The following FXR1 variants were observed in gnomAD, a reference collection of about 807,000 sequenced individuals.
FXR1 encodes RNA-binding protein FXR1.
In FXR1, 15 loss-of-function variants were observed where a neutral mutation model predicts 84.0. The ratio of observed to expected loss-of-function variants is 0.18; its 90% CI spans 0.12 to 0.27. FXR1 has a LOEUF of 0.27. FXR1 is among the 10% of genes least tolerant of loss of function. The pLI, the probability that FXR1 is intolerant of heterozygous loss-of-function variation, is 1.00. For missense variants in FXR1, 480 were observed against 774.4 expected (o/e 0.62, Z 4.51); for synonymous variants, 245 against 250.7 (o/e 0.98, Z 0.21).
Position 180,912,723 on chromosome 3 carries a change from G to A in FXR1, c.38G>A (p.Gly13Glu). 1 of 1,614,088 alleles carries A rather than the reference G, an allele frequency of 6.2e-7. No individual in the cohort carries two copies. The highest frequency in any genetic ancestry group is 8.5e-7 in the Non-Finnish European group (1 of 1,180,002). The change falls in exon 1 of 17, where the codon GGG becomes GAG. Residue 13 changes from glycine to glutamate, a missense_variant. By Grantham distance (98) the Gly-to-Glu change is moderately conservative (BLOSUM62 -2). Around this residue, in one of 6 missense-constraint regions of FXR1, gnomAD observed 54 missense variants for 74.2 expected, o/e 0.73. Coordinates refer to ENST00000357559, the MANE Select transcript of FXR1 (RefSeq NM_005087.4). ...ELTVEVRGSN[G>E]AFYKGFIKDV... ...ACGGTGGAGGTTCGCGGCTCTAACG[G>A]GGCTTTCTACAAGGTACTGACCGTT...
intron 15 of FXR1, among the ~76,000 whole-genome samples, chr3:180,974,983 C>A (rs759389841): frequency 1.9e-4 from 25 of 131,160 alleles, no homozygotes; most frequent in African/African-American, 2.9e-4. Context: ...GGGCTTAGAA[C>A]ACTGCGTTTG....
intron 1 of FXR1, among the ~76,000 whole-genome samples, chr3:180,926,949 G>C (rs1463980743): frequency 6.6e-6 from 1 of 152,012 alleles, no homozygotes; most frequent in Non-Finnish European, 1.5e-5. Context: ...AGGGACATCT[G>C]TACAGATTTC....
chr3:180,931,578 G>T (rs1719904412), intron 1 of FXR1, among the ~76,000 whole-genome samples: 1 of 152,082 alleles, frequency 6.6e-6, no homozygotes, highest in Non-Finnish European at 1.5e-5. Flanking sequence ...GAGGATGTTT[G>T]CATAGAAATG....
At chr3:180,926,107 T>G (rs1426477029) in intron 1 of FXR1, among the ~76,000 whole-genome samples, 1 of 152,218 alleles carries the variant, frequency 6.6e-6, no homozygotes, top group African/African-American at 2.4e-5. Context: ...TTTTTCTTTT[T>G]TTAACACATT....
At chr3:180,931,812 C>T (rs1468799625) in intron 1 of FXR1, among the ~76,000 whole-genome samples, 2 of 136,268 alleles carry the variant, frequency 1.5e-5, no homozygotes, top group Non-Finnish European at 3.0e-5. Context: ...ATGGTTATGG[C>T]TCACTGCAAC....
At chr3:180,947,229 G>A (rs1053334396) in intron 3 of FXR1, among the ~76,000 whole-genome samples, 5 of 152,034 alleles carry the variant, frequency 3.3e-5, no homozygotes, top group African/African-American at 1.2e-4. Context: ...TTATATTTTA[G>A]TAGAGACAGG....
Position 180,977,502 on chromosome 3 carries a change from A to G in FXR1, c.*1210A>G, listed in dbSNP as rs576434425. On this transcript the variant is annotated 3_prime_UTR_variant, in exon 17 of 17. Transcript: ENST00000357559. ...CAATGATTTGCTTTATTCATTCTCA[A>G]CTTATTTTGAAGGCTCTCATATCAG... 6.6e-6 allele frequency: 1 copy of G among 152,246 alleles called. No individual in the cohort carries two copies. Among genetic ancestry groups the G allele is most frequent in the African/African-American group, 2.4e-5 (1 of 41,564 alleles). The allele number at this position is 152,246 out of a possible 1,614,324, so 9.4% of individuals were successfully genotyped here.
chr3:180,933,961 A>G (rs1720235315), intron 2 of FXR1, among the ~76,000 whole-genome samples: 3 of 148,136 alleles, frequency 2.0e-5, no homozygotes, highest in Admixed American at 2.0e-4. Context: ...AAATACAAAA[A>G]AATTAGCTAG....
At chr3:180,926,032 T>A (rs1560164309) in intron 1 of FXR1, among the ~76,000 whole-genome samples, 2 of 152,150 alleles carry the variant, frequency 1.3e-5, no homozygotes. Context: ...AATCAGTTTA[T>A]CTTTAGAAAT....
At chr3:180,939,821 A>G (rs562266400) in intron 3 of FXR1, among the ~76,000 whole-genome samples, 202 of 152,330 alleles carry the variant, frequency 1.3e-3, no homozygotes, top group African/African-American at 4.7e-3. Flanking sequence ...TTTGAAGGAA[A>G]GAAAAGGTGA....
At position 180,978,216 on chromosome 3, in the gene FXR1, C is replaced by T. The variant is rs1021643836; in HGVS notation, c.*1924C>T. 1 of 150,124 alleles carries T rather than the reference C, an allele frequency of 6.7e-6. No individual in the cohort carries two copies. The highest frequency in any genetic ancestry group is 1.5e-5 in the Non-Finnish European group (1 of 67,692). 9.3% of individuals were successfully genotyped at this position (150,124 alleles called of 1,614,324 possible). ...AAAAAAGACTTTTCATTTTCTCCCACATAGAATAGTCAGATATATTAAACA... is the reference window on the plus strand; with the variant it reads ...AAAAAAGACTTTTCATTTTCTCCCATATAGAATAGTCAGATATATTAAACA... On this transcript the variant is annotated 3_prime_UTR_variant, in exon 17 of 17. Coordinates refer to ENST00000357559, the MANE Select transcript of FXR1 (RefSeq NM_005087.4).
chr3:180,970,162 C>T lies in FXR1; in HGVS notation c.1407C>T (p.Leu469=). ...TTGCCTCTGACATGAATATAGTGCT[C>T]AAAGATCCAGACAGCAATCCATACA... is the stretch of plus-strand genomic sequence containing the variant. ...RGGKSSISSV[L]KDPDSNPYSL... The change falls in exon 15 of 17, where the codon CTC becomes CTT. Residue 469 remains leucine, a synonymous_variant. Coordinates refer to ENST00000357559, the MANE Select transcript of FXR1 (RefSeq NM_005087.4). 6.3e-7 allele frequency: 1 copy of T among 1,580,120 alleles called. No homozygotes were observed. Among genetic ancestry groups the T allele is most frequent in the Non-Finnish European group, 8.7e-7 (1 of 1,149,584 alleles).
At chr3:180,950,737 C>T (rs981918346) in intron 7 of FXR1, among the ~76,000 whole-genome samples, 1 of 152,106 alleles carries the variant, frequency 6.6e-6, no homozygotes, top group Admixed American at 6.5e-5. Context: ...TCATTTTAGT[C>T]TTTTTTGTGA....
intron 3 of FXR1, among the ~76,000 whole-genome samples, chr3:180,946,297 T>C (rs1721689014): frequency 1.3e-5 from 2 of 152,212 alleles, no homozygotes; most frequent in African/African-American, 4.8e-5. Flanking sequence ...ATTTTAGTCT[T>C]TATTTAAAGC....
At position 180,976,626 on chromosome 3, in the gene FXR1, T is replaced by C. The variant is rs1055529435; in HGVS notation, c.*334T>C. ...GGTGGGATCCCTAACGTAATATTCT[T>C]TATGAAAGCATTAGCTGCTTTTGTT... is the stretch of plus-strand genomic sequence containing the variant. On this transcript the variant is annotated 3_prime_UTR_variant, in exon 17 of 17. Coordinates refer to ENST00000357559, the MANE Select transcript of FXR1 (RefSeq NM_005087.4). 6.1e-6 allele frequency: 1 copy of C among 163,722 alleles called. No individual in the cohort carries two copies. Among genetic ancestry groups the C allele is most frequent in the Non-Finnish European group, 1.3e-5 (1 of 75,812 alleles). The allele number at this position is 163,722 out of a possible 1,614,324, so 10.1% of individuals were successfully genotyped here.
At chr3:180,961,640 C>T in intron 11 of FXR1, 86 bp downstream of exon 11, 3 of 651,822 alleles carry the variant, frequency 4.6e-6, no homozygotes, top group Non-Finnish European at 8.2e-6. Flanking sequence ...TTTAAAATGT[C>T]CTCACATTAA....
intron 1 of FXR1, among the ~76,000 whole-genome samples, chr3:180,921,904 T>G (rs1287863633): frequency 1.3e-5 from 2 of 152,224 alleles, no homozygotes; most frequent in Non-Finnish European, 2.9e-5. Flanking sequence ...CCTTTGTTTG[T>G]AGCACATATA....
At chr3:180,915,608 T>C in intron 1 of FXR1, 2 of 823,968 alleles carry the variant, frequency 2.4e-6, no homozygotes, top group Non-Finnish European at 4.0e-6. Flanking sequence ...CTTTGGTTTT[T>C]TTTGGTGGTT....
chr3:180,980,245 T>A lies in FXR1; in HGVS notation c.*3953T>A, dbSNP rs1231429822. 3.3e-5 allele frequency: 5 copies of A among 152,068 alleles called. No homozygotes were observed. The highest frequency in any genetic ancestry group is 3.3e-4 in the Admixed American group (5 of 15,248). 9.4% of individuals were successfully genotyped at this position (152,068 alleles called of 1,614,324 possible). A position where few individuals can be genotyped will look rare whatever the true frequency, so the allele number is the denominator to read the frequency against. ...TTTACATATGTATCCATCCCAGACATTTTCAACTATGCTGAATGCAATCTA... is the reference window on the plus strand; with the variant it reads ...TTTACATATGTATCCATCCCAGACAATTTCAACTATGCTGAATGCAATCTA... On this transcript the variant is annotated 3_prime_UTR_variant, in exon 17 of 17. Transcript: ENST00000357559.
Sources: allele counts gnomAD v4.1 joint callset (sites outside exome capture counted in the v4.1 genomes callset), GRCh38; gene constraint gnomAD v4.1.1; regional missense constraint gnomAD v4.1.1; transcripts MANE v1.5; gene names NCBI Gene and HGNC (gene_info 2026-07-23, HGNC 2026-07-21).